RARB: variants seen among roughly 807,000 people sequenced by gnomAD.
RARB encodes the protein HBV-activated protein.
A neutral mutation model predicts 51.9 loss-of-function variants in RARB; 17 were observed. That is an observed-to-expected ratio of 0.33 (90% CI 0.22 to 0.49). The LOEUF is 0.49. Ranked by LOEUF, RARB falls within the 20% of genes least tolerant of loss-of-function variation. The pLI, the probability that RARB is intolerant of heterozygous loss-of-function variation, is 0.99. For synonymous variants in RARB, 215 were observed against 195.4 expected (o/e 1.10, Z -0.84); for missense variants, 369 against 550.8 (o/e 0.67, Z 3.30).
At chr3:25,165,504 A>G (rs891931766) in intron 4 of RARB, among the ~76,000 whole-genome samples, 2 of 152,162 alleles carry the variant, frequency 1.3e-5, no homozygotes, top group African/African-American at 4.8e-5. Flanking sequence ...GCCAGCCTGT[A>G]GATCCTGTAG....
intron 2 of RARB, among the ~76,000 whole-genome samples, chr3:25,490,414 C>T (rs958076530): frequency 1.1e-4 from 17 of 152,094 alleles, no homozygotes; most frequent in African/African-American, 4.1e-4. Flanking sequence ...TGTGCCTTGC[C>T]GTCAACCAGC....
chr3:25,408,199 A>G (rs1429372779), intron 5 of RARB, among the ~76,000 whole-genome samples: 1 of 152,216 alleles, frequency 6.6e-6, no homozygotes, highest in Non-Finnish European at 1.5e-5. Context: ...CCTCAGTAAC[A>G]TCTAATGATG....
At chr3:24,949,641 T>C (rs1437632263) in intron 2 of RARB, among the ~76,000 whole-genome samples, 1 of 152,232 alleles carries the variant, frequency 6.6e-6, no homozygotes. Context: ...TGTGACTATT[T>C]TGAGGTGAGA....
At chr3:24,986,735 G>A (rs963088318) in intron 2 of RARB, among the ~76,000 whole-genome samples, 1 of 152,134 alleles carries the variant, frequency 6.6e-6, no homozygotes, top group Non-Finnish European at 1.5e-5. Context: ...TGTTATTTTG[G>A]AGAAGCTAAG....
At chr3:25,011,245 G>C (rs560502126) in intron 2 of RARB, among the ~76,000 whole-genome samples, 1 of 152,210 alleles carries the variant, frequency 6.6e-6, no homozygotes, top group Admixed American at 6.6e-5. Flanking sequence ...TACCATATGG[G>C]ATAGGGCTGC....
At position 24,853,094 on chromosome 3, in the gene RARB, C is replaced by CATG. The variant is rs1216732479; in HGVS notation, c.-458-5578_-458-5576dup. ...CTTTGGGAGGCCGAGACGGGTGGAT[C>CATG]ATGAGGTCGGGGGATTGAGACCATT... On this transcript the variant is annotated intron_variant, in intron 1 of 11. Transcript: ENST00000383772. Among the ~76,000 whole-genome samples the CATG allele has an allele frequency of 2.0e-5, 3 of 151,234 alleles. No individual in the cohort carries two copies. The East Asian group carries it at 5.8e-4, about 29-fold the overall frequency.
At chr3:24,955,414 G>A (rs767318955) in intron 2 of RARB, among the ~76,000 whole-genome samples, 15 of 152,240 alleles carry the variant, frequency 9.9e-5, no homozygotes, top group African/African-American at 2.6e-4. Context: ...GTGGGAAAAC[G>A]GGGATAACTG....
At chr3:25,140,950 T>A (rs949630064) in intron 4 of RARB, among the ~76,000 whole-genome samples, 2 of 152,112 alleles carry the variant, frequency 1.3e-5, no homozygotes, top group African/African-American at 4.8e-5. Flanking sequence ...TGTAGATGAC[T>A]TTTTTAGACA....
chr3:24,898,741 C>T (rs1346039415), intron 2 of RARB, among the ~76,000 whole-genome samples: 3 of 152,112 alleles, frequency 2.0e-5, no homozygotes, highest in Non-Finnish European at 2.9e-5. Context: ...CTCCAGTAAC[C>T]CCACTATGGT....
chr3:25,074,839 A>G (rs1010702512), intron 3 of RARB, among the ~76,000 whole-genome samples: 5 of 152,196 alleles, frequency 3.3e-5, no homozygotes, highest in Non-Finnish European at 7.3e-5. Flanking sequence ...CTATAGGGTC[A>G]CTGGGGCCAG....
chr3:25,122,112 A>G (rs1699793880), intron 3 of RARB, among the ~76,000 whole-genome samples: 1 of 152,176 alleles, frequency 6.6e-6, no homozygotes, highest in Non-Finnish European at 1.5e-5. Context: ...AAATAAGATC[A>G]GTTTCAATGC....
chr3:24,909,963 TTTATGCCGCAAAATTGA>T (rs2125378477), intron 2 of RARB, among the ~76,000 whole-genome samples: 3 of 152,294 alleles, frequency 2.0e-5, no homozygotes, highest in African/African-American at 7.2e-5. Flanking sequence ...TCCCAAAACA[TTTATGCCGCAAAATTGA>T]AAAAGTCTGC....
chr3:25,483,887 T>C lies in RARB; in HGVS notation c.307-17295T>C, dbSNP rs568250363. Among the ~76,000 whole-genome samples the C allele has an allele frequency of 4.0e-4, 61 of 152,356 alleles. No individual in the cohort carries two copies. The South Asian group carries it at 0.011, about 28-fold the overall frequency. On this transcript the variant is annotated intron_variant, in intron 2 of 7. Coordinates refer to ENST00000330688, the MANE Select transcript of RARB (RefSeq NM_000965.5). Reference sequence around the variant, plus strand: ...AAGCGTGATTATAAAATGCTAATTATCGTTCTCAAGTGCATATTGGGCACT... The same window carrying C: ...AAGCGTGATTATAAAATGCTAATTACCGTTCTCAAGTGCATATTGGGCACT...
chr3:25,042,915 C>G (rs575287408), intron 2 of RARB, among the ~76,000 whole-genome samples: 1 of 152,354 alleles, frequency 6.6e-6, no homozygotes, highest in African/African-American at 2.4e-5. Context: ...ATAATTTTCT[C>G]AGCTCTGATG....
At chr3:24,837,995 C>A (rs1702365469) in intron 1 of RARB, among the ~76,000 whole-genome samples, 1 of 152,174 alleles carries the variant, frequency 6.6e-6, no homozygotes, top group Non-Finnish European at 1.5e-5. Context: ...ATCAGCTACC[C>A]TGAACTTTTA....
intron 3 of RARB, among the ~76,000 whole-genome samples, chr3:25,092,388 T>G (rs1344980347): frequency 6.6e-6 from 1 of 152,144 alleles, no homozygotes; most frequent in Non-Finnish European, 1.5e-5. Flanking sequence ...CAAAAAAACC[T>G]CTTTCCATAT....
chr3:25,343,873 T>G (rs1222907539), intron 5 of RARB, among the ~76,000 whole-genome samples: 1 of 152,096 alleles, frequency 6.6e-6, no homozygotes, highest in Admixed American at 6.6e-5. Context: ...AGGGCCTTGG[T>G]GAAGAAGGAA....
chr3:25,360,228 A>C (rs550871414), intron 5 of RARB, among the ~76,000 whole-genome samples: 7 of 152,252 alleles, frequency 4.6e-5, no homozygotes, highest in South Asian at 4.1e-4. Flanking sequence ...ACCATTATGT[A>C]ATGGCCTTCT....
chr3:25,143,110 C>T (rs1014823086), intron 4 of RARB, among the ~76,000 whole-genome samples: 2 of 152,044 alleles, frequency 1.3e-5, no homozygotes, highest in African/African-American at 2.4e-5. Flanking sequence ...TAAATCATCA[C>T]CTGACAATGA....
Sources: allele counts gnomAD v4.1 joint callset (sites outside exome capture counted in the v4.1 genomes callset), GRCh38; gene constraint gnomAD v4.1.1; transcripts MANE v1.5; gene names NCBI Gene and HGNC (gene_info 2026-07-23, HGNC 2026-07-21).